KPNA3: variants seen among roughly 807,000 people sequenced by gnomAD.
The protein encoded by KPNA3 is importin subunit alpha-4.
In KPNA3, 13 loss-of-function variants were observed where a neutral mutation model predicts 73.8. That is an observed-to-expected ratio of 0.18 (90% CI 0.11 to 0.28). The LOEUF is 0.28. KPNA3 is among the 10% of genes least tolerant of loss of function. KPNA3 has a pLI of 1.00. For missense variants in KPNA3, 360 were observed against 618.1 expected (o/e 0.58, Z 4.43); for synonymous variants, 186 against 206.9 (o/e 0.90, Z 0.87).
chr13:49,760,563 A>G (rs1052985738), intron 1 of KPNA3, among the ~76,000 whole-genome samples: 1 of 152,214 alleles, frequency 6.6e-6, no homozygotes, highest in Admixed American at 6.5e-5. Context: ...TCAATCAATC[A>G]ATCGCAATGT....
intron 1 of KPNA3, 92 bp downstream of exon 1, chr13:49,792,346 G>C: frequency 1.2e-6 from 1 of 824,464 alleles, no homozygotes; most frequent in Non-Finnish European, 1.6e-6. Flanking sequence ...ACCACAAGCC[G>C]ACGAGAACCA....
In KPNA3 at chr13:49,733,025, A is replaced by G. The variant is rs151124656; in HGVS notation, c.136T>C (p.Leu46=). 3.0e-5 allele frequency: 49 copies of G among 1,609,674 alleles called. No individual in the cohort carries two copies. In the Middle Eastern group the frequency reaches 6.6e-4, roughly 22 times the overall value. ...LRKNKRDEHL[L]KKRNVPQEES... is the part of the protein sequence containing the mutation. ...TCTTGGGGAACATTTCTCTTTTTCAATAAGTGTTCATCTCTTTTGTTCTGA... is the reference window on the plus strand; with the variant it reads ...TCTTGGGGAACATTTCTCTTTTTCAGTAAGTGTTCATCTCTTTTGTTCTGA... Residue 46 remains leucine (L), a synonymous_variant, in exon 3 of 17, where the codon TTG becomes CTG. Transcript: ENST00000261667.
At chr13:49,756,046 T>C (rs1172988490) in intron 1 of KPNA3, among the ~76,000 whole-genome samples, 3 of 152,148 alleles carry the variant, frequency 2.0e-5, no homozygotes, top group Admixed American at 6.5e-5. Context: ...GGCAGGTGGA[T>C]TGCTTGAGCC....
rs1720390194 is a variant in KPNA3 at position 49,706,475 on chromosome 13, G to A, written c.1033-103C>T. 21 of 750,080 alleles carry A rather than the reference G, an allele frequency of 2.8e-5. No individual in the cohort carries two copies. In the Admixed American group the frequency reaches 3.3e-4, roughly 12 times the overall value. The allele number at this position is 750,080 out of a possible 1,614,324, so 46.5% of individuals were successfully genotyped here. On this transcript the variant is annotated intron_variant, in intron 12 of 16. Coordinates refer to ENST00000261667, the MANE Select transcript of KPNA3 (RefSeq NM_002267.4). ...ACAATAACAAAATCACCTGAATTAC[G>A]TTAAAGAGACTGCACCTAAAAAGTG...
intron 2 of KPNA3, among the ~76,000 whole-genome samples, chr13:49,740,232 A>C (rs1954560844): frequency 6.6e-6 from 1 of 151,802 alleles, no homozygotes; most frequent in Non-Finnish European, 1.5e-5. Flanking sequence ...GGGTGACAGA[A>C]TGAGACCCCA....
At chr13:49,702,864 A>G (rs1268446433) in intron 15 of KPNA3, among the ~76,000 whole-genome samples, 1 of 152,122 alleles carries the variant, frequency 6.6e-6, no homozygotes, top group Non-Finnish European at 1.5e-5. Context: ...TAAATTTACT[A>G]ATCTATTTTT....
intron 1 of KPNA3, among the ~76,000 whole-genome samples, chr13:49,764,196 A>C (rs528140855): frequency 5.0e-4 from 76 of 151,678 alleles, no homozygotes; most frequent in Non-Finnish European, 1.5e-4. Context: ...TATAGTCCTC[A>C]TACTTCATCA....
chr13:49,729,372 T>C lies in KPNA3; in HGVS notation c.383+2999A>G, dbSNP rs561879743. 2.6e-5 allele frequency among the ~76,000 whole-genome samples: 4 copies of C among 151,648 alleles called. No individual in the cohort carries two copies. In the South Asian group the frequency reaches 8.3e-4, roughly 32 times the overall value. ...AAATACTGGGAATGGGGGACTTAAA[T>C]GAGAAAATGGATAAATGTAAAAAAT... On this transcript the variant is annotated intron_variant, in intron 6 of 16. Transcript: ENST00000261667.
chr13:49,750,709 T>C (rs1258770710), intron 1 of KPNA3, among the ~76,000 whole-genome samples: 2 of 151,882 alleles, frequency 1.3e-5, no homozygotes, highest in Admixed American at 1.3e-4. Context: ...TGTGTTAAGC[T>C]GGCCGGGCAC....
intron 2 of KPNA3, among the ~76,000 whole-genome samples, chr13:49,744,802 G>A (rs2137567236): frequency 6.6e-6 from 1 of 152,270 alleles, no homozygotes; most frequent in East Asian, 1.9e-4. Context: ...AAGGGTACAG[G>A]AGAATGGATG....
chr13:49,762,881 T>TA (rs1216907603), intron 1 of KPNA3, among the ~76,000 whole-genome samples: 4 of 100,198 alleles, frequency 4.0e-5, no homozygotes, highest in African/African-American at 1.2e-4. Context: ...AAAATTAAAT[T>TA]AAAAAAATAA....
chr13:49,785,372 AGAG>A (rs1238220561), intron 1 of KPNA3, among the ~76,000 whole-genome samples: 1 of 152,246 alleles, frequency 6.6e-6, no homozygotes, highest in African/African-American at 2.4e-5. Context: ...TGAATGTGGA[AGAG>A]GAGAAGTCCA....
rs1357214124 is a variant in KPNA3, at chr13:49,730,774, C to G, written c.383+1597G>C. Among the ~76,000 whole-genome samples the G allele has an allele frequency of 7.9e-5, 9 of 114,522 alleles. 1 individual carries two copies. In the East Asian group the frequency reaches 1.0e-3, roughly 13 times the overall value. The allele number at this position is 114,522 out of a possible 152,430, so 75.1% of individuals were successfully genotyped here. A position where few individuals can be genotyped will look rare whatever the true frequency, so the allele number is the denominator to read the frequency against. ...CCTAATGCTATCCCTCCCCCCTCCCCCCTATTTATTCATTTATTTTGAGAC... is the reference window on the plus strand; with the variant it reads ...CCTAATGCTATCCCTCCCCCCTCCCGCCTATTTATTCATTTATTTTGAGAC... On this transcript the variant is annotated intron_variant, in intron 6 of 16. Coordinates refer to ENST00000261667, the MANE Select transcript of KPNA3 (RefSeq NM_002267.4).
intron 1 of KPNA3, among the ~76,000 whole-genome samples, chr13:49,753,645 C>A (rs1432528261): frequency 6.6e-6 from 1 of 152,224 alleles, no homozygotes; most frequent in Non-Finnish European, 1.5e-5. Flanking sequence ...AGCCAGGCTG[C>A]ACAGCAGCAG....
chr13:49,713,637 AC>A (rs1954280225), intron 10 of KPNA3, among the ~76,000 whole-genome samples: 3 of 56,456 alleles, frequency 5.3e-5, no homozygotes, highest in Non-Finnish European at 1.4e-4. Context: ...TAGGTGAAAC[AC>A]ACACACACAC....
At chr13:49,745,720 T>C (rs1954610846) in intron 2 of KPNA3, among the ~76,000 whole-genome samples, 1 of 152,054 alleles carries the variant, frequency 6.6e-6, no homozygotes, top group South Asian at 2.1e-4. Flanking sequence ...AAGTCTAACC[T>C]AAGACAAACA....
intron 6 of KPNA3, among the ~76,000 whole-genome samples, chr13:49,731,753 A>G (rs973020779): frequency 6.6e-6 from 1 of 152,218 alleles, no homozygotes; most frequent in African/African-American, 2.4e-5. Context: ...AAGGCACAGC[A>G]CTGAGATATC....
At chr13:49,713,097 G>A (rs1954274480) in intron 10 of KPNA3, among the ~76,000 whole-genome samples, 1 of 151,974 alleles carries the variant, frequency 6.6e-6, no homozygotes, top group Non-Finnish European at 1.5e-5. Flanking sequence ...ATGAGCAAAA[G>A]TATGCCAAGT....
intron 6 of KPNA3, among the ~76,000 whole-genome samples, chr13:49,731,179 A>G (rs1954465115): frequency 6.7e-6 from 1 of 149,784 alleles, no homozygotes; most frequent in Non-Finnish European, 1.5e-5. Flanking sequence ...GGCTCAAACG[A>G]TCCTCCTACC....
Sources: allele counts gnomAD v4.1 joint callset (sites outside exome capture counted in the v4.1 genomes callset), GRCh38; gene constraint gnomAD v4.1.1; transcripts MANE v1.5; gene names NCBI Gene and HGNC (gene_info 2026-07-23, HGNC 2026-07-21).